Variants in MBOAT2 observed in about 807,000 individuals in gnomAD.
MBOAT2 encodes the protein membrane-bound glycerophospholipid O-acyltransferase 2.
Under a neutral mutation model 63.4 loss-of-function variants are expected in MBOAT2, and 28 were observed. The ratio of observed to expected loss-of-function variants is 0.44; its 90% CI spans 0.33 to 0.61. The LOEUF (loss-of-function observed/expected upper bound fraction) is 0.61, where lower values mean the gene tolerates loss of function less well. Ranked by LOEUF, MBOAT2 falls within the 20% of genes least tolerant of loss-of-function variation. The pLI, the probability that MBOAT2 is intolerant of heterozygous loss-of-function variation, is 0.03. For missense variants in MBOAT2, 470 were observed against 605.8 expected (o/e 0.78, Z 2.35); for synonymous variants, 211 against 215.6 (o/e 0.98, Z 0.19).
intron 6 of MBOAT2, among the ~76,000 whole-genome samples, chr2:8,878,799 G>A (rs555927138): frequency 3.7e-4 from 56 of 152,224 alleles, no homozygotes; most frequent in Admixed American, 6.5e-4. Flanking sequence ...AACCTTGGCC[G>A]GGCGCGGTGG....
chr2:8,966,741 T>C (rs576545031), intron 1 of MBOAT2, among the ~76,000 whole-genome samples: 1 of 152,338 alleles, frequency 6.6e-6, no homozygotes, highest in South Asian at 2.1e-4. Context: ...CAGACTACAA[T>C]GTAGAGCAAT....
chr2:8,914,507 GA>G (rs1446711118), intron 3 of MBOAT2, among the ~76,000 whole-genome samples: 3 of 150,848 alleles, frequency 2.0e-5, no homozygotes, highest in Admixed American at 6.6e-5. Flanking sequence ...AAAAAACAAT[GA>G]AAGTGTTTTG....
chr2:8,998,661 A>C (rs1025509185), intron 1 of MBOAT2, among the ~76,000 whole-genome samples: 21 of 150,958 alleles, frequency 1.4e-4, no homozygotes, highest in African/African-American at 5.1e-4. Flanking sequence ...GAACTGTCCA[A>C]AAAGGAAACA....
At chr2:8,947,348 G>C (rs1291905408) in intron 2 of MBOAT2, among the ~76,000 whole-genome samples, 4 of 152,348 alleles carry the variant, frequency 2.6e-5, no homozygotes, top group Admixed American at 2.6e-4. Flanking sequence ...AGGTGAAGCA[G>C]CAAGTGCTGA....
chr2:8,923,499 G>T (rs72771523), intron 3 of MBOAT2, among the ~76,000 whole-genome samples: 3,684 of 152,194 alleles, frequency 0.024, 62 homozygotes, highest in Middle Eastern at 0.088. Flanking sequence ...GCCAACCGGA[G>T]CACCCTTAAT....
chr2:8,991,469 T>C (rs1314426226), intron 1 of MBOAT2, among the ~76,000 whole-genome samples: 1 of 152,214 alleles, frequency 6.6e-6, no homozygotes, highest in Admixed American at 6.5e-5. Flanking sequence ...CAGATAAAAT[T>C]TGAAACTCTT....
chr2:8,927,175 C>T (rs1426662654), intron 3 of MBOAT2, among the ~76,000 whole-genome samples: 1 of 152,156 alleles, frequency 6.6e-6, no homozygotes, highest in African/African-American at 2.4e-5. Flanking sequence ...CAGGAACATT[C>T]TCTGCCCAGG....
chr2:8,896,836 C>G (rs972907137), intron 4 of MBOAT2, among the ~76,000 whole-genome samples: 2 of 152,220 alleles, frequency 1.3e-5, no homozygotes, highest in Admixed American at 1.3e-4. Context: ...GAGGAACCAT[C>G]TATCTCCTGT....
intron 4 of MBOAT2, among the ~76,000 whole-genome samples, chr2:8,899,565 T>C (rs888545179): frequency 5.3e-5 from 8 of 152,202 alleles, no homozygotes; most frequent in African/African-American, 1.9e-4. Flanking sequence ...TGTTGTTGGA[T>C]CATCTGGTTG....
chr2:8,967,981 C>T (rs1046026740), intron 1 of MBOAT2, among the ~76,000 whole-genome samples: 8 of 152,060 alleles, frequency 5.3e-5, no homozygotes, highest in African/African-American at 1.4e-4. Flanking sequence ...GAGTGAGTGA[C>T]GCAGAAGACA....
chr2:8,959,619 G>A (rs970146224), intron 1 of MBOAT2, among the ~76,000 whole-genome samples: 1 of 151,990 alleles, frequency 6.6e-6, no homozygotes, highest in African/African-American at 2.4e-5. Context: ...ACACCACCAT[G>A]CCGAGCTAAT....
chr2:8,956,311 A>G (rs1304896994), intron 2 of MBOAT2, among the ~76,000 whole-genome samples: 1 of 152,236 alleles, frequency 6.6e-6, no homozygotes, highest in East Asian at 1.9e-4. Context: ...TATCTTACAC[A>G]TGGTACAGAG....
intron 4 of MBOAT2, among the ~76,000 whole-genome samples, chr2:8,907,320 T>C (rs958574812): frequency 1.3e-5 from 2 of 152,232 alleles, no homozygotes; most frequent in African/African-American, 4.8e-5. Flanking sequence ...ACTCAATATA[T>C]ATTTAATGCC....
intron 1 of MBOAT2, among the ~76,000 whole-genome samples, chr2:8,993,983 G>A (rs1672093492): frequency 6.6e-6 from 1 of 152,196 alleles, no homozygotes; most frequent in African/African-American, 2.4e-5. Flanking sequence ...CAACTCCGTA[G>A]GGAGACACCC....
At chr2:8,873,595 G>T (rs1391309925) in intron 7 of MBOAT2, among the ~76,000 whole-genome samples, 10 of 151,764 alleles carry the variant, frequency 6.6e-5, no homozygotes, top group Non-Finnish European at 8.8e-5. Flanking sequence ...AAGCATAAGT[G>T]TATTGGTGTG....
intron 9 of MBOAT2, among the ~76,000 whole-genome samples, chr2:8,864,543 A>T (rs1023346025): frequency 6.6e-5 from 10 of 152,054 alleles, no homozygotes; most frequent in African/African-American, 1.9e-4. Context: ...ATGCCTTTTG[A>T]TGGCCTCCCT....
In MBOAT2 at chr2:8,908,598, C is replaced by G. The variant is rs1665497264; in HGVS notation, c.395+23G>C. The G allele has an allele frequency of 2.1e-6, 3 of 1,396,822 alleles. No homozygotes were observed. In the Admixed American group the frequency reaches 5.3e-5, roughly 25 times the overall value. The allele number at this position is 1,396,822 out of a possible 1,614,324, so 86.5% of individuals were successfully genotyped here. On this transcript the variant is annotated intron_variant, in intron 4 of 12. Transcript: ENST00000305997. ...TTGTTGGAATGGATAAAACAGGCTA[C>G]TGAATCAAAGTTTTCATCTTACCCT...
chr2:8,863,912 T>C (rs1038897726), intron 10 of MBOAT2, among the ~76,000 whole-genome samples: 7 of 152,206 alleles, frequency 4.6e-5, no homozygotes, highest in Non-Finnish European at 1.0e-4. Context: ...CCTCTGACAT[T>C]GGCAGAGGCC....
intron 3 of MBOAT2, among the ~76,000 whole-genome samples, chr2:8,938,011 C>G (rs1252930090): frequency 6.6e-6 from 1 of 152,166 alleles, no homozygotes; most frequent in Non-Finnish European, 1.5e-5. Context: ...TCCAAGCACA[C>G]AGATTGCACC....
Sources: gnomAD v4.1 joint callset for allele counts (sites outside exome capture counted in the v4.1 genomes callset) on GRCh38, gnomAD v4.1.1 for gene constraint, MANE v1.5 for transcripts, NCBI Gene and HGNC (gene_info 2026-07-23, HGNC 2026-07-21) for gene names.